DAB1: variants seen among roughly 807,000 people sequenced by gnomAD.
DAB1 encodes the protein DAB adaptor protein 1.
A neutral mutation model predicts 64.6 loss-of-function variants in DAB1; 15 were observed. That is an observed-to-expected ratio of 0.23 (90% CI 0.16 to 0.36). The LOEUF (loss-of-function observed/expected upper bound fraction) is 0.36, where lower values mean the gene tolerates loss of function less well. Among genes scored for constraint, DAB1 ranks in the 10% least tolerant of loss-of-function variants. The pLI is 1.00. For missense variants in DAB1, 596 were observed against 706.7 expected (o/e 0.84, Z 1.78); for synonymous variants, 235 against 251.9 (o/e 0.93, Z 0.64).
chr1:57,896,647 G>GAGATGTTA (rs144048341), intron 5 of DAB1, among the ~76,000 whole-genome samples: 1,576 of 152,152 alleles, frequency 0.01, 33 homozygotes, highest in African/African-American at 0.036. Context: ...TGGGCTTAAG[G>GAGATGTTA]TCTCTTATCT....
chr1:58,440,862 G>C (rs1179902940), intron 3 of DAB1, among the ~76,000 whole-genome samples: 1 of 152,148 alleles, frequency 6.6e-6, no homozygotes, highest in Non-Finnish European at 1.5e-5. Flanking sequence ...TTTCTGGAGA[G>C]GTGCAAAGAG....
At chr1:57,912,710 A>G (rs910869683) in intron 5 of DAB1, among the ~76,000 whole-genome samples, 1 of 152,182 alleles carries the variant, frequency 6.6e-6, no homozygotes, top group African/African-American at 2.4e-5. Flanking sequence ...TCTCGGCCCA[A>G]AATCTCCTTA....
At chr1:57,848,337 T>G (rs1403099460) in intron 1 of DAB1, among the ~76,000 whole-genome samples, 1 of 152,252 alleles carries the variant, frequency 6.6e-6, no homozygotes, top group East Asian at 1.9e-4. Flanking sequence ...ACACACCATG[T>G]AAACCAATCA....
chr1:57,038,926 C>T (rs922999611), intron 9 of DAB1, among the ~76,000 whole-genome samples: 7 of 152,170 alleles, frequency 4.6e-5, no homozygotes, highest in Admixed American at 3.3e-4. Context: ...GCTAAGCTGA[C>T]CTGAACGGGC....
intron 1 of DAB1, among the ~76,000 whole-genome samples, chr1:58,536,024 T>C (rs191374456): frequency 6.6e-6 from 1 of 152,156 alleles, no homozygotes; most frequent in East Asian, 1.9e-4. Context: ...CCATGAAGCT[T>C]AGTCTAACAA....
chr1:57,898,210 C>T (rs868801154), intron 5 of DAB1, among the ~76,000 whole-genome samples: 2 of 152,098 alleles, frequency 1.3e-5, no homozygotes, highest in South Asian at 2.1e-4. Context: ...TCCCATTTTA[C>T]GTATTTAGGT....
chr1:57,569,394 A>G (rs1407908218), intron 7 of DAB1, among the ~76,000 whole-genome samples: 1 of 152,146 alleles, frequency 6.6e-6, no homozygotes, highest in Non-Finnish European at 1.5e-5. Flanking sequence ...ACACCATGGA[A>G]TACTATGCAG....
chr1:57,123,854 T>C (rs967288605), intron 4 of DAB1, among the ~76,000 whole-genome samples: 6 of 152,208 alleles, frequency 3.9e-5, no homozygotes, highest in African/African-American at 9.6e-5. Flanking sequence ...TAAACAAGAA[T>C]GGTGATATAT....
chr1:57,484,899 G>A (rs763695282), intron 7 of DAB1, among the ~76,000 whole-genome samples: 5 of 152,268 alleles, frequency 3.3e-5, no homozygotes, highest in East Asian at 1.9e-4. Flanking sequence ...CCTCAAAAAC[G>A]TTTTAACATT....
At chr1:57,434,409 C>T (rs767709515) in intron 7 of DAB1, among the ~76,000 whole-genome samples, 9 of 152,122 alleles carry the variant, frequency 5.9e-5, no homozygotes, top group Non-Finnish European at 1.0e-4. Context: ...ATTGTGATTC[C>T]ATCCACATGA....
chr1:57,326,572 C>T (rs1676172748), intron 1 of DAB1, among the ~76,000 whole-genome samples: 1 of 152,148 alleles, frequency 6.6e-6, no homozygotes, highest in African/African-American at 2.4e-5. Context: ...TAACAAAATA[C>T]CATAGACTGG....
At chr1:58,498,313 C>T (rs948130107) in intron 3 of DAB1, among the ~76,000 whole-genome samples, 1 of 151,606 alleles carries the variant, frequency 6.6e-6, no homozygotes, top group African/African-American at 2.4e-5. Flanking sequence ...TAACTTCACC[C>T]TTGATTTTAC....
intron 5 of DAB1, among the ~76,000 whole-genome samples, chr1:57,992,068 A>T (rs1312241307): frequency 2.6e-5 from 4 of 152,110 alleles, no homozygotes; most frequent in African/African-American, 9.7e-5. Flanking sequence ...CAAAGTGGGA[A>T]TTCCTTTTTT....
chr1:57,192,282 A>G (rs1664204359), intron 2 of DAB1, among the ~76,000 whole-genome samples: 1 of 150,854 alleles, frequency 6.6e-6, no homozygotes, highest in African/African-American at 2.4e-5. Flanking sequence ...GCAGCACTAC[A>G]CTCCAGCCCG....
intron 5 of DAB1, among the ~76,000 whole-genome samples, chr1:58,022,500 C>A (rs1048083296): frequency 6.6e-6 from 1 of 152,154 alleles, no homozygotes; most frequent in Non-Finnish European, 1.5e-5. Context: ...CCCTTTTCCA[C>A]TGTGCACTTC....
chr1:57,587,242 G>A (rs1448376849), intron 7 of DAB1, among the ~76,000 whole-genome samples: 1 of 152,166 alleles, frequency 6.6e-6, no homozygotes, highest in African/African-American at 2.4e-5. Flanking sequence ...TCTTCCATCA[G>A]ATAATGTCAG....
chr1:57,709,379 T>C (rs766069155), intron 6 of DAB1, among the ~76,000 whole-genome samples: 2 of 152,196 alleles, frequency 1.3e-5, no homozygotes, highest in East Asian at 1.9e-4. Flanking sequence ...TCTTATTCAT[T>C]GCTTAAAAAT....
rs574306652 is a variant in DAB1, at chr1:58,125,609, T to C, written n.387+24902A>G. On this transcript the variant is annotated intron_variant and non_coding_transcript_variant, in intron 5 of 20. Coordinates refer to the DAB1 transcript ENST00000485760. ...GGAGCATGCCACCATGCTTGGATAC[T>C]TTTTAAAAAAATGTTTTGCGGAGAC... 7.2e-5 allele frequency among the ~76,000 whole-genome samples: 11 copies of C among 152,122 alleles called. No homozygotes were observed. In the Middle Eastern group the frequency reaches 0.01, roughly 141 times the overall value.
chr1:57,313,054 T>G (rs1460088062), intron 1 of DAB1, among the ~76,000 whole-genome samples: 1 of 152,174 alleles, frequency 6.6e-6, no homozygotes, highest in Non-Finnish European at 1.5e-5. Context: ...CATTTCTGTC[T>G]GTCGTTATCC....
Sources: gnomAD v4.1 joint callset for allele counts (sites outside exome capture counted in the v4.1 genomes callset) on GRCh38, gnomAD v4.1.1 for gene constraint, MANE v1.5 for transcripts, NCBI Gene and HGNC (gene_info 2026-07-23, HGNC 2026-07-21) for gene names.